SPAG16: variants seen among roughly 807,000 people sequenced by gnomAD.
The protein encoded by SPAG16 is sperm associated antigen 16.
Under a neutral mutation model 80.4 loss-of-function variants are expected in SPAG16, and 86 were observed. The ratio of observed to expected loss-of-function variants is 1.07; its 90% confidence interval spans 0.90 to 1.28. The LOEUF (loss-of-function observed/expected upper bound fraction) is 1.28. SPAG16 is among the 50% of genes most tolerant of loss of function. SPAG16 has a pLI of 0.00. For missense variants in SPAG16, 870 were observed against 765.3 expected (o/e 1.14, Z -1.61); for synonymous variants, 294 against 265.9 (o/e 1.11, Z -1.03).
At chr2:213,882,985 C>G (rs1252694458) in intron 11 of SPAG16, among the ~76,000 whole-genome samples, 1 of 152,150 alleles carries the variant, frequency 6.6e-6, no homozygotes, top group Non-Finnish European at 1.5e-5. Context: ...TCCTCCTCAG[C>G]CTCCCGAGTA....
At chr2:214,302,127 A>T (rs1051303142) in intron 15 of SPAG16, among the ~76,000 whole-genome samples, 1 of 152,100 alleles carries the variant, frequency 6.6e-6, no homozygotes, top group Admixed American at 6.6e-5. Flanking sequence ...ATTTTATTCC[A>T]CTATGTTCCC....
intron 15 of SPAG16, among the ~76,000 whole-genome samples, chr2:214,397,415 C>T (rs1473551321): frequency 2.0e-5 from 3 of 152,150 alleles, no homozygotes; most frequent in African/African-American, 4.8e-5. Flanking sequence ...GCCTCGGCCT[C>T]CCAAAGTGCT....
At chr2:214,226,699 C>T (rs1002070772) in intron 15 of SPAG16, among the ~76,000 whole-genome samples, 1 of 152,004 alleles carries the variant, frequency 6.6e-6, no homozygotes, top group African/African-American at 2.4e-5. Flanking sequence ...CTAATAGGAT[C>T]ACACAAGATC....
intron 9 of SPAG16, among the ~76,000 whole-genome samples, chr2:213,479,515 G>A (rs1243799721): frequency 6.6e-6 from 1 of 151,962 alleles, no homozygotes; most frequent in African/African-American, 2.4e-5. Context: ...AATAATGCTT[G>A]ATAAATTAGG....
At chr2:213,991,084 C>A (rs76913428) in intron 12 of SPAG16, among the ~76,000 whole-genome samples, 10,180 of 151,942 alleles carry the variant, frequency 0.067, 411 homozygotes, top group African/African-American at 0.11. Flanking sequence ...ATACACGTGC[C>A]ATGGTGGTTT....
chr2:214,009,184 T>G (rs796617106), intron 12 of SPAG16, among the ~76,000 whole-genome samples: 12 of 152,294 alleles, frequency 7.9e-5, no homozygotes, highest in African/African-American at 2.9e-4. Context: ...TGGTGAATCC[T>G]CACACAAACT....
At chr2:213,513,982 A>G (rs1156951586) in intron 10 of SPAG16, among the ~76,000 whole-genome samples, 1 of 152,154 alleles carries the variant, frequency 6.6e-6, no homozygotes, top group Non-Finnish European at 1.5e-5. Flanking sequence ...CAACCAGACA[A>G]AATTAGGATT....
chr2:214,167,530 G>GGAGAA (rs1449126121), intron 15 of SPAG16, among the ~76,000 whole-genome samples: 4 of 152,080 alleles, frequency 2.6e-5, no homozygotes, highest in Non-Finnish European at 5.9e-5. Context: ...GTTCCAAACT[G>GGAGAA]GAGAAGGAAA....
At chr2:213,393,012 A>G (rs1363296782) in intron 9 of SPAG16, among the ~76,000 whole-genome samples, 3 of 152,168 alleles carry the variant, frequency 2.0e-5, no homozygotes, top group African/African-American at 7.2e-5. Flanking sequence ...TAGAAAATCA[A>G]ATAAACAGAA....
intron 12 of SPAG16, among the ~76,000 whole-genome samples, chr2:213,963,336 A>G (rs889894108): frequency 2.0e-5 from 3 of 152,154 alleles, no homozygotes; most frequent in African/African-American, 4.8e-5. Context: ...ATTTTTTAAA[A>G]TTTCTCAAAT....
chr2:213,867,405 G>C (rs986988831), intron 11 of SPAG16, among the ~76,000 whole-genome samples: 1 of 152,202 alleles, frequency 6.6e-6, no homozygotes, highest in Admixed American at 6.5e-5. Flanking sequence ...GCAAGGTAGA[G>C]GTCATACGAG....
intron 15 of SPAG16, among the ~76,000 whole-genome samples, chr2:214,167,879 C>A (rs1392415523): frequency 6.6e-6 from 1 of 151,354 alleles, no homozygotes; most frequent in Middle Eastern, 3.2e-3. Flanking sequence ...CAGAGTGACA[C>A]TGACTGGTTT....
intron 13 of SPAG16, among the ~76,000 whole-genome samples, chr2:214,097,370 G>T (rs901880710): frequency 1.3e-5 from 2 of 151,992 alleles, no homozygotes; most frequent in African/African-American, 2.4e-5. Flanking sequence ...ATATACGCAG[G>T]AATGCTGTCT....
intron 9 of SPAG16, among the ~76,000 whole-genome samples, chr2:213,405,939 T>C (rs1189573882): frequency 6.6e-6 from 1 of 152,210 alleles, no homozygotes; most frequent in Non-Finnish European, 1.5e-5. Context: ...AGTTCTTTAA[T>C]CTGGTTAGCA....
chr2:213,410,480 G>A (rs1044139955), intron 9 of SPAG16, among the ~76,000 whole-genome samples: 6 of 152,168 alleles, frequency 3.9e-5, no homozygotes, highest in South Asian at 2.1e-4. Context: ...TCTTGCCCCC[G>A]ATGTAGAGCT....
intron 9 of SPAG16, among the ~76,000 whole-genome samples, chr2:213,448,019 G>T (rs188706059): frequency 6.6e-6 from 1 of 152,186 alleles, no homozygotes; most frequent in Non-Finnish European, 1.5e-5. Flanking sequence ...CACCACTGCC[G>T]GAGTGGCATT....
chr2:213,305,001 C>A (rs1300388973), intron 3 of SPAG16, among the ~76,000 whole-genome samples: 1 of 152,134 alleles, frequency 6.6e-6, no homozygotes, highest in African/African-American at 2.4e-5. Context: ...TTCTTCTAAT[C>A]CATGAACATG....
intron 14 of SPAG16, among the ~76,000 whole-genome samples, chr2:214,138,977 A>T (rs1299057762): frequency 6.6e-6 from 1 of 152,164 alleles, no homozygotes; most frequent in Non-Finnish European, 1.5e-5. Flanking sequence ...TGGGCTGGGT[A>T]ACCAAGCTAA....
chr2:213,660,830 C>A (rs955931209), intron 10 of SPAG16, among the ~76,000 whole-genome samples: 1 of 152,260 alleles, frequency 6.6e-6, no homozygotes, highest in Non-Finnish European at 1.5e-5. Context: ...TAAACCATTA[C>A]AGCTGTCGAT....
Sources: gnomAD v4.1 joint callset for allele counts (sites outside exome capture counted in the v4.1 genomes callset) on GRCh38, gnomAD v4.1.1 for gene constraint, MANE v1.5 for transcripts, NCBI Gene and HGNC (gene_info 2026-07-23, HGNC 2026-07-21) for gene names.